The following UBE2E2 variants were observed in gnomAD, a reference collection of about 807,000 sequenced individuals.
UBE2E2 encodes the protein ubiquitin-conjugating enzyme E2 E2.
A neutral mutation model predicts 24.7 loss-of-function variants in UBE2E2; 6 were observed. That is an observed-to-expected ratio of 0.24 (90% confidence interval 0.13 to 0.48). The LOEUF (loss-of-function observed/expected upper bound fraction) is 0.48. Ranked by LOEUF, UBE2E2 falls within the 20% of genes least tolerant of loss-of-function variation. The pLI is 0.99. For synonymous variants in UBE2E2, 104 were observed against 83.6 expected (o/e 1.24, Z -1.33); for missense variants, 169 against 245.0 (o/e 0.69, Z 2.07).
intron 3 of UBE2E2, among the ~76,000 whole-genome samples, chr3:23,219,364 A>G (rs145775484): frequency 1.3e-5 from 2 of 152,194 alleles, no homozygotes; most frequent in African/African-American, 2.4e-5. Context: ...TATTAAGTGC[A>G]TCACTGTGGT....
chr3:23,325,055 C>T (rs1434252566), intron 3 of UBE2E2, among the ~76,000 whole-genome samples: 2 of 152,238 alleles, frequency 1.3e-5, no homozygotes, highest in South Asian at 2.1e-4. Flanking sequence ...TAAGCTGATA[C>T]AAAGTTGTTG....
intron 5 of UBE2E2, among the ~76,000 whole-genome samples, chr3:23,556,983 A>C (rs1695805632): frequency 6.6e-6 from 1 of 152,222 alleles, no homozygotes; most frequent in Admixed American, 6.5e-5. Flanking sequence ...ACAATTGCCA[A>C]GTCCCTTCGG....
intron 3 of UBE2E2, among the ~76,000 whole-genome samples, chr3:23,444,631 A>G (rs1373240460): frequency 2.0e-5 from 3 of 152,282 alleles, no homozygotes; most frequent in Non-Finnish European, 2.9e-5. Flanking sequence ...ATATGCATAT[A>G]CCATACCCTG....
intron 3 of UBE2E2, among the ~76,000 whole-genome samples, chr3:23,255,595 A>G (rs1697700326): frequency 6.6e-6 from 1 of 152,076 alleles, no homozygotes; most frequent in South Asian, 2.1e-4. Context: ...GAAAAAGGGC[A>G]TTTCCAGATA....
In UBE2E2 at chr3:23,350,541, AG is replaced by A. The variant is rs201284871; in HGVS notation, c.227+133231del. ...ATAACCAATACAGAGAAGTGCTTAA[AG>A]GAGCTGATGGAGCTGAAAGCCAAGG... is the stretch of plus-strand genomic sequence containing the variant. On this transcript the variant is annotated intron_variant, in intron 3 of 5. Coordinates refer to ENST00000396703, the MANE Select transcript of UBE2E2 (RefSeq NM_152653.4). 6.5e-4 allele frequency among the ~76,000 whole-genome samples: 99 copies of A among 152,340 alleles called. 5 individuals are homozygous for A. In the East Asian group the frequency reaches 0.016, roughly 24 times the overall value.
chr3:23,526,847 A>G (rs1428054515), intron 4 of UBE2E2, among the ~76,000 whole-genome samples: 1 of 152,218 alleles, frequency 6.6e-6, no homozygotes, highest in Non-Finnish European at 1.5e-5. Context: ...TTATCATTAT[A>G]AAATATTCAA....
At chr3:23,563,894 A>C (rs1559423239) in intron 5 of UBE2E2, among the ~76,000 whole-genome samples, 1 of 151,976 alleles carries the variant, frequency 6.6e-6, no homozygotes, top group Non-Finnish European at 1.5e-5. Context: ...GTGAGGGCCA[A>C]AAGTTTTGTC....
At chr3:23,427,259 CAAAAAAAAA>C (rs74787665) in intron 3 of UBE2E2, among the ~76,000 whole-genome samples, 3 of 88,488 alleles carry the variant, frequency 3.4e-5, no homozygotes, top group Non-Finnish European at 7.1e-5. Flanking sequence ...CCATCTCTAC[CAAAAAAAAA>C]AAAAAAAAAA....
chr3:23,248,748 G>C (rs1188639064), intron 3 of UBE2E2, among the ~76,000 whole-genome samples: 2 of 152,158 alleles, frequency 1.3e-5, no homozygotes, highest in African/African-American at 4.8e-5. Flanking sequence ...GTTCTTGATT[G>C]CATTTCATAG....
In UBE2E2 at chr3:23,381,980, A is replaced by T. The variant is rs147694190; in HGVS notation, c.228-117628A>T. ...GTTAGTTGGTCTTCATGATCTAAAGATTCTTCTCCATTCCCCCGCTACTTT... is the reference window on the plus strand; with the variant it reads ...GTTAGTTGGTCTTCATGATCTAAAGTTTCTTCTCCATTCCCCCGCTACTTT... On this transcript the variant is annotated intron_variant, in intron 3 of 5. Transcript: ENST00000396703. Among the ~76,000 whole-genome samples, 722 of 152,238 alleles carry T rather than the reference A, an allele frequency of 4.7e-3. 6 individuals are homozygous for T. Among genetic ancestry groups the T allele is most frequent in the African/African-American group, 0.017 (691 of 41,538 alleles).
At chr3:23,217,818 T>C (rs533494915) in intron 3 of UBE2E2, among the ~76,000 whole-genome samples, 1 of 152,122 alleles carries the variant, frequency 6.6e-6, no homozygotes, top group African/African-American at 2.4e-5. Flanking sequence ...TGTAAAACTC[T>C]CTCTCCCTTT....
At chr3:23,557,245 C>G (rs906985594) in intron 5 of UBE2E2, among the ~76,000 whole-genome samples, 8 of 152,196 alleles carry the variant, frequency 5.3e-5, no homozygotes, top group Admixed American at 5.2e-4. Flanking sequence ...AGTTCAGATG[C>G]TAACCAATAT....
intron 4 of UBE2E2, among the ~76,000 whole-genome samples, chr3:23,504,926 T>TTTTTTTTTTTTTTTTTTG (rs1232574541): frequency 6.8e-6 from 1 of 147,278 alleles, no homozygotes; most frequent in African/African-American, 2.5e-5. Context: ...TTTTTTTTTT[T>TTTTTTTTTTTTTTTTTTG]GAGACAGGGT....
chr3:23,362,467 A>G (rs950601269), intron 3 of UBE2E2, among the ~76,000 whole-genome samples: 5 of 152,196 alleles, frequency 3.3e-5, no homozygotes, highest in African/African-American at 7.2e-5. Flanking sequence ...GCCTGGGAGC[A>G]GTAAGATTAC....
At chr3:23,246,959 C>G (rs534878170) in intron 3 of UBE2E2, among the ~76,000 whole-genome samples, 1 of 152,222 alleles carries the variant, frequency 6.6e-6, no homozygotes, top group African/African-American at 2.4e-5. Flanking sequence ...AAGGGTTCTT[C>G]TTGCCTCAGC....
chr3:23,331,121 A>G (rs1284427079), intron 3 of UBE2E2, among the ~76,000 whole-genome samples: 1 of 152,170 alleles, frequency 6.6e-6, no homozygotes, highest in Non-Finnish European at 1.5e-5. Context: ...AAATGTTCTC[A>G]TGAAGTTCTT....
At chr3:23,249,777 T>C (rs1173408782) in intron 3 of UBE2E2, among the ~76,000 whole-genome samples, 1 of 152,022 alleles carries the variant, frequency 6.6e-6, no homozygotes, top group Non-Finnish European at 1.5e-5. Context: ...TGCCTCAGCC[T>C]CCCAAGTAGC....
intron 5 of UBE2E2, among the ~76,000 whole-genome samples, chr3:23,578,725 T>C (rs1402538755): frequency 6.6e-6 from 1 of 152,060 alleles, no homozygotes; most frequent in African/African-American, 2.4e-5. Context: ...AGCTGAATGA[T>C]GAGAGTACAT....
chr3:23,404,678 G>A (rs1328746437), intron 3 of UBE2E2, among the ~76,000 whole-genome samples: 2 of 152,030 alleles, frequency 1.3e-5, no homozygotes, highest in Admixed American at 1.3e-4. Flanking sequence ...ATAGCTTTTT[G>A]TTCATCAGCA....
Sources: gnomAD v4.1 joint callset for allele counts (sites outside exome capture counted in the v4.1 genomes callset) on GRCh38, gnomAD v4.1.1 for gene constraint, MANE v1.5 for transcripts, NCBI Gene and HGNC (gene_info 2026-07-23, HGNC 2026-07-21) for gene names.